KHDRBS3: variants seen among roughly 807,000 people sequenced by gnomAD.
KHDRBS3 encodes KH RNA binding domain containing, signal transduction associated 3.
Under a neutral mutation model 45.6 loss-of-function variants are expected in KHDRBS3, and 23 were observed. The observed-to-expected ratio is 0.50, with a 90% CI of 0.36 to 0.72. The LOEUF (loss-of-function observed/expected upper bound fraction) is 0.72, where lower values mean the gene tolerates loss of function less well. Ranked by LOEUF, KHDRBS3 falls within the 30% of genes least tolerant of loss-of-function variation. KHDRBS3 has a pLI of 0.00. For missense variants in KHDRBS3, 352 were observed against 424.8 expected (o/e 0.83, Z 1.51); for synonymous variants, 162 against 156.5 (o/e 1.04, Z -0.26).
At chr8:135,583,579 C>T (rs2130931674) in intron 6 of KHDRBS3, among the ~76,000 whole-genome samples, 1 of 152,226 alleles carries the variant, frequency 6.6e-6, no homozygotes, top group South Asian at 2.1e-4. Context: ...GTAGAAATTG[C>T]CAGGCAGGTT....
chr8:135,528,173 TA>T (rs1457481002), intron 2 of KHDRBS3, among the ~76,000 whole-genome samples: 1 of 152,222 alleles, frequency 6.6e-6, no homozygotes, highest in East Asian at 1.9e-4. Context: ...TTTCTTCTGT[TA>T]AAAGTTTTTC....
intron 7 of KHDRBS3, among the ~76,000 whole-genome samples, chr8:135,607,824 C>G (rs1406198758): frequency 6.6e-6 from 1 of 152,110 alleles, no homozygotes; most frequent in Non-Finnish European, 1.5e-5. Flanking sequence ...TGAACTCGTC[C>G]AGTGCCAGTC....
chr8:135,643,697 A>G (rs1368204746), intron 7 of KHDRBS3, among the ~76,000 whole-genome samples: 1 of 152,214 alleles, frequency 6.6e-6, no homozygotes, highest in East Asian at 1.9e-4. Context: ...AACGTGGGGG[A>G]AAAACTCCGT....
At chr8:135,507,574 C>T (rs1457993299) in intron 1 of KHDRBS3, among the ~76,000 whole-genome samples, 1 of 152,056 alleles carries the variant, frequency 6.6e-6, no homozygotes, top group East Asian at 1.9e-4. Context: ...ACGTTTTTAA[C>T]GTGTAACTTG....
chr8:135,521,210 T>G, intron 1 of KHDRBS3, 27 bp from the exon 2 acceptor site: 2 of 1,426,292 alleles, frequency 1.4e-6, no homozygotes, highest in Non-Finnish European at 9.9e-7. Context: ...AGTCATACAC[T>G]TCATGGTTAT....
chr8:135,625,249 G>A, intron 7 of KHDRBS3: 2 of 1,377,374 alleles, frequency 1.5e-6, no homozygotes, highest in Non-Finnish European at 2.1e-6. Context: ...TTCATCTGTG[G>A]CATACAGAAT....
At position 135,656,400 on chromosome 8, in the gene KHDRBS3, C is replaced by G. The variant is rs1011422719; in HGVS notation, c.*292C>G. ...GTATGCTTTTAATTTGGAGAACCTA[C>G]TTTTTTAAAAAACGGAAAGAAAATC... is the stretch of plus-strand genomic sequence containing the variant. On this transcript the variant is annotated 3_prime_UTR_variant and NMD_transcript_variant, in exon 5 of 5. Transcript: ENST00000521461. 5.9e-5 allele frequency: 9 copies of G among 152,252 alleles called. No individual in the cohort carries two copies. The South Asian group carries it at 1.9e-3, about 32-fold the overall frequency. 9.4% of individuals were successfully genotyped at this position (152,252 alleles called of 1,614,324 possible).
intron 3 of KHDRBS3, among the ~76,000 whole-genome samples, chr8:135,547,729 G>A (rs1225277433): frequency 6.6e-6 from 1 of 152,160 alleles, no homozygotes; most frequent in East Asian, 1.9e-4. Flanking sequence ...GGTTCTCTTG[G>A]TTATGGGATA....
intron 6 of KHDRBS3, among the ~76,000 whole-genome samples, chr8:135,597,303 C>A (rs118109317): frequency 2.6e-5 from 4 of 152,118 alleles, no homozygotes; most frequent in Admixed American, 6.5e-5. Flanking sequence ...TTAAGCACTT[C>A]GCAAGAGGCC....
chr8:135,471,884 G>A (rs747310044), intron 1 of KHDRBS3, among the ~76,000 whole-genome samples: 15 of 152,190 alleles, frequency 9.9e-5, no homozygotes, highest in African/African-American at 1.7e-4. Flanking sequence ...CACTGCGATC[G>A]TGATGTTTGG....
chr8:135,472,885 CAG>C (rs1773043701), intron 1 of KHDRBS3, among the ~76,000 whole-genome samples: 2 of 152,098 alleles, frequency 1.3e-5, no homozygotes, highest in Admixed American at 1.3e-4. Flanking sequence ...AGGGAAAGGA[CAG>C]GGGAGGGATC....
chr8:135,489,874 A>G (rs1318089364), intron 1 of KHDRBS3, among the ~76,000 whole-genome samples: 1 of 152,112 alleles, frequency 6.6e-6, no homozygotes, highest in Non-Finnish European at 1.5e-5. Context: ...AGGCCTTCAC[A>G]CTCACTCACT....
chr8:135,520,669 T>A (rs1038322075), intron 1 of KHDRBS3, among the ~76,000 whole-genome samples: 4 of 152,202 alleles, frequency 2.6e-5, no homozygotes, highest in African/African-American at 9.7e-5. Flanking sequence ...CGAAAGGAGA[T>A]GAAGATGAAA....
chr8:135,540,588 T>G (rs906479619), intron 2 of KHDRBS3: 1 of 152,242 alleles, frequency 6.6e-6, no homozygotes, highest in African/African-American at 2.4e-5. Flanking sequence ...GATATCACAC[T>G]GAAAATGAGG....
intron 7 of KHDRBS3, among the ~76,000 whole-genome samples, chr8:135,610,584 A>C (rs1829668427): frequency 6.6e-6 from 1 of 151,932 alleles, no homozygotes. Flanking sequence ...TAAATATTTT[A>C]AAACAATGTA....
At chr8:135,570,629 A>G (rs566045312) in intron 5 of KHDRBS3, among the ~76,000 whole-genome samples, 4 of 152,304 alleles carry the variant, frequency 2.6e-5, no homozygotes, top group African/African-American at 4.8e-5. Context: ...TTGTTTCTCT[A>G]CCGGGTTTAC....
chr8:135,499,789 C>G (rs1349945102), intron 1 of KHDRBS3, among the ~76,000 whole-genome samples: 2 of 152,038 alleles, frequency 1.3e-5, no homozygotes, highest in African/African-American at 4.8e-5. Flanking sequence ...TTTTTTTGAT[C>G]AAAGAGACTT....
At position 135,457,481 on chromosome 8, in the gene KHDRBS3, TGCAGGTC is replaced by T. The variant is rs1821157989; in HGVS notation, c.-381_-375del. On this transcript the variant is annotated 5_prime_UTR_variant, in exon 1 of 9. Transcript: ENST00000355849. The surrounding 1 kb of genome is among the most constrained non-coding windows in gnomAD (Gnocchi z 4.4). The stretch of plus-strand genomic sequence containing the variant: ...AGAGTGCGCGGGGCGGCGCGCGGCG[TGCAGGTC>T]GCAGCTGTGGCTCGGGTGCTGGCAG... 2 of 146,754 alleles carry T rather than the reference TGCAGGTC, an allele frequency of 1.4e-5. No homozygotes were observed. Among genetic ancestry groups the T allele is most frequent in the Admixed American group, 1.4e-4 (2 of 14,722 alleles). 9.1% of individuals were successfully genotyped at this position (146,754 alleles called of 1,614,324 possible).
At chr8:135,627,348 C>G (rs1830416957) in intron 7 of KHDRBS3, among the ~76,000 whole-genome samples, 1 of 152,180 alleles carries the variant, frequency 6.6e-6, no homozygotes, top group Non-Finnish European at 1.5e-5. Context: ...GAGTGGAAAG[C>G]CATGCCTCCT....
Sources: allele counts gnomAD v4.1 joint callset (sites outside exome capture counted in the v4.1 genomes callset), GRCh38; gene constraint gnomAD v4.1.1; non-coding constraint Gnocchi (gnomAD v3.1); transcripts MANE v1.5; gene names NCBI Gene and HGNC (gene_info 2026-07-23, HGNC 2026-07-21).